CPE: variants seen among roughly 807,000 people sequenced by gnomAD.
CPE encodes carbocypeptidase E.
A neutral mutation model predicts 53.5 loss-of-function variants in CPE; 17 were observed. The ratio of observed to expected loss-of-function variants is 0.32; its 90% CI spans 0.22 to 0.48. The LOEUF (loss-of-function observed/expected upper bound fraction) is 0.48. Ranked by LOEUF, CPE falls within the 20% of genes least tolerant of loss-of-function variation. The pLI, the probability that CPE is intolerant of heterozygous loss-of-function variation, is 0.99. For synonymous variants in CPE, 226 were observed against 228.8 expected (o/e 0.99, Z 0.11); for missense variants, 524 against 614.7 (o/e 0.85, Z 1.56).
chr4:165,492,751 G>A (rs1023727514), intron 6 of CPE, among the ~76,000 whole-genome samples: 1 of 152,274 alleles, frequency 6.6e-6, no homozygotes, highest in East Asian at 1.9e-4. Context: ...TAACATAACC[G>A]ATTAGGTCAG....
chr4:165,472,621 G>A (rs1013799097), intron 3 of CPE, among the ~76,000 whole-genome samples: 1 of 152,132 alleles, frequency 6.6e-6, no homozygotes, highest in Non-Finnish European at 1.5e-5. Flanking sequence ...CTGAACAATA[G>A]TTCTTTAACT....
chr4:165,398,420 A>G (rs888608014), intron 1 of CPE, among the ~76,000 whole-genome samples: 19 of 152,320 alleles, frequency 1.2e-4, no homozygotes, highest in African/African-American at 4.1e-4. Context: ...ATATATACAT[A>G]TAGGTACATA....
intron 6 of CPE, among the ~76,000 whole-genome samples, chr4:165,491,519 T>C (rs1238873037): frequency 6.6e-6 from 1 of 152,194 alleles, no homozygotes; most frequent in African/African-American, 2.4e-5. Flanking sequence ...TAAGTTTTCA[T>C]GTTTCATGTT....
chr4:165,411,954 C>T (rs1731049070), intron 1 of CPE, among the ~76,000 whole-genome samples: 1 of 152,218 alleles, frequency 6.6e-6, no homozygotes, highest in South Asian at 2.1e-4. Context: ...TTTAAAATGA[C>T]AGTGCTTTCC....
chr4:165,411,357 C>T (rs1731039466), intron 1 of CPE, among the ~76,000 whole-genome samples: 1 of 152,018 alleles, frequency 6.6e-6, no homozygotes, highest in South Asian at 2.1e-4. Context: ...TTCTTTCTTC[C>T]TCCTACTTTT....
intron 1 of CPE, among the ~76,000 whole-genome samples, chr4:165,386,679 T>A (rs1283385613): frequency 6.6e-6 from 1 of 152,236 alleles, no homozygotes; most frequent in African/African-American, 2.4e-5. Flanking sequence ...AGGGGCTGTC[T>A]TCCTTTTGGA....
chr4:165,465,792 C>T (rs3775311), intron 2 of CPE, among the ~76,000 whole-genome samples: 16,335 of 151,900 alleles, frequency 0.11, 1,099 homozygotes, highest in Admixed American at 0.15. Context: ...TAGTCTATAA[C>T]GCATGTTAAA....
chr4:165,401,504 C>T (rs1309739246), intron 1 of CPE, among the ~76,000 whole-genome samples: 1 of 152,164 alleles, frequency 6.6e-6, no homozygotes, highest in Admixed American at 6.5e-5. Flanking sequence ...AGCTTCCACT[C>T]TGTAAAATCA....
chr4:165,388,814 A>G (rs1730638070), intron 1 of CPE, among the ~76,000 whole-genome samples: 1 of 149,516 alleles, frequency 6.7e-6, no homozygotes, highest in African/African-American at 2.5e-5. Flanking sequence ...TTAAAGTACA[A>G]CAGTCCTATT....
At chr4:165,450,054 A>AGGTGATT (rs1731782697) in intron 1 of CPE, among the ~76,000 whole-genome samples, 11 of 152,186 alleles carry the variant, frequency 7.2e-5, no homozygotes, top group Admixed American at 7.2e-4. Context: ...CTTGGGACAC[A>AGGTGATT]CATGAAATTA....
At chr4:165,393,873 A>G (rs1285938689) in intron 1 of CPE, among the ~76,000 whole-genome samples, 1 of 152,064 alleles carries the variant, frequency 6.6e-6, no homozygotes, top group Non-Finnish European at 1.5e-5. Flanking sequence ...GAAATAAATC[A>G]CTCCAGCACA....
rs1265358296 is a variant in CPE, at chr4:165,459,683, GC to G, written c.308-4706del. On this transcript the variant is annotated intron_variant, in intron 1 of 8. Transcript: ENST00000402744. ...CTTTGGGAGGGCTGGGTGGGGGGGG[GC>G]GGGGCAGATCATGAGGTCAGGAGGA... 2.0e-3 allele frequency among the ~76,000 whole-genome samples: 246 copies of G among 124,990 alleles called. 9 individuals are homozygous for G. The East Asian group carries it at 0.025, about 13-fold the overall frequency. The allele number at this position is 124,990 out of a possible 152,430, so 82.0% of individuals were successfully genotyped here.
In CPE at chr4:165,379,316, C is replaced by T. The variant is rs771957496; in HGVS notation, c.95C>T (p.Ala32Val). Residue 32 changes from alanine to valine, a missense_variant, in exon 1 of 9, where the codon GCG becomes GTG. Physicochemically the swap from Ala to Val is moderately conservative, Grantham distance 64. Transcript: ENST00000402744. The surrounding 1 kb of genome is among the most constrained non-coding windows in gnomAD (Gnocchi z 6.0). ...LLGAEAQEPG[A>V]PAAGMRRRRR... ...GGCGCCGAAGCCCAGGAGCCCGGGG[C>T]GCCCGCGGCGGGCATGAGGCGGCGC... 6.4e-7 allele frequency: 1 copy of T among 1,556,632 alleles called. No homozygotes were observed.
chr4:165,429,669 T>C (rs912709496), intron 1 of CPE, among the ~76,000 whole-genome samples: 1 of 150,696 alleles, frequency 6.6e-6, no homozygotes, highest in Non-Finnish European at 1.5e-5. Flanking sequence ...GCCTCTGCAC[T>C]CCAGCTTGGG....
chr4:165,391,822 A>G (rs562856424), intron 1 of CPE, among the ~76,000 whole-genome samples: 1 of 152,188 alleles, frequency 6.6e-6, no homozygotes, highest in African/African-American at 2.4e-5. Context: ...TATTGACTCT[A>G]ATTCTTCAGG....
At chr4:165,451,314 T>A (rs1219794409) in intron 1 of CPE, among the ~76,000 whole-genome samples, 1 of 152,142 alleles carries the variant, frequency 6.6e-6, no homozygotes, top group Non-Finnish European at 1.5e-5. Flanking sequence ...TTTCTAAGTC[T>A]CCAACAGGGA....
At chr4:165,492,908 C>T (rs1032569851) in intron 6 of CPE, among the ~76,000 whole-genome samples, 2 of 152,076 alleles carry the variant, frequency 1.3e-5, no homozygotes, top group Non-Finnish European at 1.5e-5. Context: ...TAATATGACA[C>T]TTTTTAAAAT....
chr4:165,405,143 C>G lies in CPE; in HGVS notation c.307+25615C>G, dbSNP rs1427000700. On this transcript the variant is annotated intron_variant, in intron 1 of 8. Transcript: ENST00000402744. ...TTTCTTCTTTACTTTGTCATTCAATCCTTTGAACACTTGTTGCTGTCCTCA... is the reference window on the plus strand; with the variant it reads ...TTTCTTCTTTACTTTGTCATTCAATGCTTTGAACACTTGTTGCTGTCCTCA... 5.2e-6 allele frequency: 4 copies of G among 762,896 alleles called. No homozygotes were observed. The East Asian group carries it at 7.3e-5, about 14-fold the overall frequency. 47.3% of individuals were successfully genotyped at this position (762,896 alleles called of 1,614,324 possible).
chr4:165,386,382 G>A (rs1351770509), intron 1 of CPE: 2 of 415,248 alleles, frequency 4.8e-6, no homozygotes, highest in East Asian at 1.7e-4. Flanking sequence ...GGACATAGTG[G>A]CCACTCAGTG....
Sources: allele counts gnomAD v4.1 joint callset (sites outside exome capture counted in the v4.1 genomes callset), GRCh38; gene constraint gnomAD v4.1.1; non-coding constraint Gnocchi (gnomAD v3.1); transcripts MANE v1.5; gene names NCBI Gene and HGNC (gene_info 2026-07-23, HGNC 2026-07-21).